The following STK39 variants were observed in gnomAD, a reference collection of about 807,000 sequenced individuals.
STK39 encodes the protein serine/threonine kinase 39, also known as STE20/SPS1-related proline-alanine-rich protein kinase.
Under a neutral mutation model 77.8 loss-of-function variants are expected in STK39, and 20 were observed. That is an observed-to-expected ratio of 0.26 (90% CI 0.18 to 0.37). STK39 has a LOEUF of 0.37. Ranked by LOEUF, STK39 falls within the 10% of genes least tolerant of loss-of-function variation. STK39 has a pLI of 1.00. For synonymous variants in STK39, 246 were observed against 234.1 expected, an observed-to-expected ratio of 1.05 and a Z score of -0.47; for missense variants, 479 against 656.5, an observed-to-expected ratio of 0.73 and a Z score of 2.95.
chr2:168,024,740 C>G (rs1684654227), intron 14 of STK39, among the ~76,000 whole-genome samples: 1 of 152,180 alleles, frequency 6.6e-6, no homozygotes, highest in Non-Finnish European at 1.5e-5. Context: ...CTGGGACATG[C>G]TTGATGTTTT....
chr2:167,997,526 T>C (rs543292578), intron 16 of STK39, among the ~76,000 whole-genome samples: 31 of 152,054 alleles, frequency 2.0e-4, no homozygotes, highest in Non-Finnish European at 3.5e-4. Flanking sequence ...AAGGAAGAAA[T>C]TGAAGGCCTA....
intron 16 of STK39, among the ~76,000 whole-genome samples, chr2:167,966,999 C>G (rs1393904393): frequency 6.6e-6 from 1 of 152,236 alleles, no homozygotes; most frequent in East Asian, 1.9e-4. Flanking sequence ...CCTGACTGTG[C>G]ACCTGGATTT....
intron 16 of STK39, among the ~76,000 whole-genome samples, chr2:168,005,003 T>TC (rs1340465785): frequency 2.0e-4 from 27 of 134,312 alleles, no homozygotes; most frequent in Middle Eastern, 3.6e-3. Context: ...CCCTCTTTTT[T>TC]TTTTTTTTTT....
chr2:168,052,460 T>C (rs766356554), intron 14 of STK39, among the ~76,000 whole-genome samples: 4 of 152,212 alleles, frequency 2.6e-5, no homozygotes, highest in Non-Finnish European at 5.9e-5. Context: ...AAAGGATTAA[T>C]TTGCCTTGGA....
chr2:168,002,199 C>T (rs184666960), intron 16 of STK39, among the ~76,000 whole-genome samples: 53 of 152,306 alleles, frequency 3.5e-4, no homozygotes, highest in African/African-American at 1.2e-3. Flanking sequence ...AGAGGATATA[C>T]AACTCCTAAC....
intron 1 of STK39, among the ~76,000 whole-genome samples, chr2:168,215,249 T>C (rs1262129186): frequency 6.6e-6 from 1 of 151,970 alleles, no homozygotes; most frequent in Non-Finnish European, 1.5e-5. Flanking sequence ...AGGACTCCAA[T>C]CATACTCTCC....
At chr2:168,043,958 G>A (rs1006041904) in intron 14 of STK39, among the ~76,000 whole-genome samples, 2 of 152,114 alleles carry the variant, frequency 1.3e-5, no homozygotes, top group African/African-American at 4.8e-5. Context: ...AATAGATGTA[G>A]GCATTATTAT....
chr2:168,065,965 GC>G (rs770222683), intron 12 of STK39, among the ~76,000 whole-genome samples: 2 of 151,956 alleles, frequency 1.3e-5, no homozygotes, highest in Non-Finnish European at 2.9e-5. Flanking sequence ...AATTATTTTT[GC>G]CTTGAGCTCT....
At position 168,140,486 on chromosome 2, in the gene STK39, A is replaced by G. The variant is rs1161661360; in HGVS notation, c.739-96T>C. On this transcript the variant is annotated intron_variant, in intron 6 of 17. Transcript: ENST00000355999. ...GTCAGAAATCCACAGCTGTTGATGT[A>G]TAACTTTCACGTTAGTTTGCTAATT... The G allele has an allele frequency of 2.2e-5, 28 of 1,251,286 alleles. No individual in the cohort carries two copies. In the South Asian group the frequency reaches 3.0e-4, roughly 13 times the overall value. The allele number at this position is 1,251,286 out of a possible 1,614,324, so 77.5% of individuals were successfully genotyped here. A position where few individuals can be genotyped will look rare whatever the true frequency, so the allele number is the denominator to read the frequency against.
chr2:168,081,672 G>T (rs1686234948), intron 10 of STK39, among the ~76,000 whole-genome samples: 1 of 152,118 alleles, frequency 6.6e-6, no homozygotes, highest in African/African-American at 2.4e-5. Flanking sequence ...GAATGATATG[G>T]TTTGGCTGTG....
intron 5 of STK39, among the ~76,000 whole-genome samples, chr2:168,154,258 G>A (rs974013122): frequency 7.9e-5 from 12 of 152,194 alleles, no homozygotes; most frequent in African/African-American, 2.7e-4. Flanking sequence ...AGGAGCACAG[G>A]GGTCATAGAG....
chr2:168,141,039 T>C (rs1480865036), intron 5 of STK39, among the ~76,000 whole-genome samples: 1 of 152,178 alleles, frequency 6.6e-6, no homozygotes, highest in Non-Finnish European at 1.5e-5. Context: ...CTGAGGTATA[T>C]AAAGATAAGA....
intron 10 of STK39, among the ~76,000 whole-genome samples, chr2:168,093,261 C>T (rs1040128948): frequency 2.0e-5 from 3 of 152,130 alleles, no homozygotes; most frequent in African/African-American, 2.4e-5. Context: ...CATTCTCATA[C>T]TGCTATGAAG....
At chr2:168,109,905 T>C (rs969334505) in intron 10 of STK39, among the ~76,000 whole-genome samples, 10 of 152,256 alleles carry the variant, frequency 6.6e-5, no homozygotes, top group Admixed American at 6.5e-4. Context: ...ATTTTTCTAC[T>C]GATTTGAAGA....
chr2:168,004,964 A>C (rs1044448298), intron 16 of STK39, among the ~76,000 whole-genome samples: 1 of 149,658 alleles, frequency 6.7e-6, no homozygotes, highest in African/African-American at 2.5e-5. Flanking sequence ...CAGAATACTT[A>C]ACCTTAGCAA....
chr2:168,143,532 G>GA (rs2105538101), intron 5 of STK39, among the ~76,000 whole-genome samples: 1 of 152,274 alleles, frequency 6.6e-6, no homozygotes, highest in Admixed American at 6.5e-5. Context: ...CCAACATGGT[G>GA]AAACCCCATC....
chr2:167,967,518 CT>C (rs1203892556), intron 16 of STK39, among the ~76,000 whole-genome samples: 6 of 151,540 alleles, frequency 4.0e-5, no homozygotes, highest in South Asian at 2.1e-4. Flanking sequence ...TTTCTATTTA[CT>C]TTTTTTTTGT....
intron 16 of STK39, among the ~76,000 whole-genome samples, chr2:167,993,803 G>A (rs75600570): frequency 0.014 from 2,124 of 152,074 alleles, 50 homozygotes; most frequent in African/African-American, 0.048. Flanking sequence ...GTTTTACACC[G>A]TATGGTTTTC....
chr2:167,975,728 G>A (rs1057076774), intron 16 of STK39, among the ~76,000 whole-genome samples: 1 of 152,172 alleles, frequency 6.6e-6, no homozygotes, highest in African/African-American at 2.4e-5. Flanking sequence ...GCAGGAGAAT[G>A]CCGCAAACCT....
Sources: gnomAD v4.1 joint callset for allele counts (sites outside exome capture counted in the v4.1 genomes callset) on GRCh38, gnomAD v4.1.1 for gene constraint, MANE v1.5 for transcripts, NCBI Gene and HGNC (gene_info 2026-07-23, HGNC 2026-07-21) for gene names.